The following HSPA4L variants were observed in gnomAD, a reference collection of about 807,000 sequenced individuals.
HSPA4L encodes the protein heat shock 70 kDa protein 4L.
A neutral mutation model predicts 100.3 loss-of-function variants in HSPA4L; 48 were observed. The observed-to-expected ratio is 0.48, with a 90% confidence interval of 0.38 to 0.61. The LOEUF is 0.61. HSPA4L is among the 20% of genes least tolerant of loss of function. HSPA4L has a pLI of 0.00. For missense variants in HSPA4L, 886 were observed against 988.6 expected (o/e 0.90, Z 1.39); for synonymous variants, 319 against 328.2 (o/e 0.97, Z 0.30).
intron 17 of HSPA4L, among the ~76,000 whole-genome samples, chr4:127,829,956 C>T (rs1734038059): frequency 6.6e-6 from 1 of 151,824 alleles, no homozygotes; most frequent in African/African-American, 2.4e-5. Flanking sequence ...TCCGAGGAAG[C>T]TTTATGGGTT....
intron 1 of HSPA4L, among the ~76,000 whole-genome samples, chr4:127,792,385 A>G (rs1732902534): frequency 6.6e-6 from 1 of 152,134 alleles, no homozygotes; most frequent in Admixed American, 6.6e-5. Context: ...TATTCCATTC[A>G]TTATGTAGCT....
chr4:127,782,015 C>A (rs1010541476), upstream of HSPA4L: 3 of 453,960 alleles, frequency 6.6e-6, no homozygotes, highest in African/African-American at 4.0e-5. Context: ...TCTCACCTAG[C>A]CCGACCGCCC....
chr4:127,803,636 C>T lies in HSPA4L; in HGVS notation c.671C>T (p.Ala224Val). The change falls in exon 7 of 19, where the codon GCT (alanine) becomes GTT (valine). Residue 224 changes from alanine (A) to valine (V), a missense_variant. Physicochemically the swap from Ala to Val is moderately conservative, Grantham distance 64 (BLOSUM62 0). Transcript: ENST00000296464. ...GCTTTTTCAATTAAACAGGTCTTGG[C>T]TACTACCTTTGATCCATATTTGGGT... is the stretch of plus-strand genomic sequence containing the variant. ...AFNKGKLKVLATTFDPYLGGR... is the reference protein window; with the variant it reads ...AFNKGKLKVLVTTFDPYLGGR... The T allele has an allele frequency of 1.2e-6, 2 of 1,610,866 alleles. No homozygotes were observed. The highest frequency in any genetic ancestry group is 1.7e-6 in the Non-Finnish European group (2 of 1,178,820).
Position 127,803,794 on chromosome 4 carries a change from A to G in HSPA4L, c.829A>G (p.Met277Val). The change falls in exon 7 of 19, where the codon ATG (methionine) becomes GTG (valine). Residue 277 changes from methionine (M) to valine (V), a missense_variant. By Grantham distance (21) the Met-to-Val change is conservative. Transcript: ENST00000296464. ...GGAATGTGAAAAACTAAAGAAGCTA[A>G]TGAGTGCAAATGCATCAGATCTTCC... ...YQECEKLKKL[M>V]SANASDLPLN... 2 of 1,613,912 alleles carry G rather than the reference A, an allele frequency of 1.2e-6. No individual in the cohort carries two copies. The highest frequency in any genetic ancestry group is 1.7e-6 in the Non-Finnish European group (2 of 1,179,870).
chr4:127,823,870 C>T (rs1376108453), intron 16 of HSPA4L, among the ~76,000 whole-genome samples: 1 of 152,132 alleles, frequency 6.6e-6, no homozygotes, highest in East Asian at 1.9e-4. Flanking sequence ...AAAATCTACT[C>T]TCTCAACCAA....
At chr4:127,829,613 C>G (rs1228161074) in intron 17 of HSPA4L, among the ~76,000 whole-genome samples, 1 of 151,740 alleles carries the variant, frequency 6.6e-6, no homozygotes, top group Middle Eastern at 3.2e-3. Context: ...GGATTTTGAC[C>G]CGAAAGAATG....
intron 12 of HSPA4L, among the ~76,000 whole-genome samples, chr4:127,816,739 G>A (rs1482071566): frequency 6.6e-6 from 1 of 152,182 alleles, no homozygotes; most frequent in African/African-American, 2.4e-5. Flanking sequence ...GAGTGATATT[G>A]TATAGAAATA....
chr4:127,809,001 T>C (rs1400988792), intron 11 of HSPA4L, among the ~76,000 whole-genome samples: 1 of 152,004 alleles, frequency 6.6e-6, no homozygotes. Context: ...AATTGGTATA[T>C]TCTAATTTTA....
At chr4:127,829,428 A>G (rs912832130) in intron 17 of HSPA4L, among the ~76,000 whole-genome samples, 2 of 152,088 alleles carry the variant, frequency 1.3e-5, no homozygotes, top group Admixed American at 1.3e-4. Flanking sequence ...GAGAGATGGA[A>G]TAAGACATTA....
At chr4:127,801,102 A>G (rs1291320653) in intron 4 of HSPA4L, 36 bp from the exon 5 acceptor site, 2 of 1,459,048 alleles carry the variant, frequency 1.4e-6, no homozygotes, top group Non-Finnish European at 9.5e-7. Flanking sequence ...ATGTTTACAT[A>G]AAACATTATA....
At position 127,823,585 on chromosome 4, in the gene HSPA4L, A is replaced by G. The variant is rs1313786132; in HGVS notation, c.2007A>G (p.Gln669=). Residue 669 remains glutamine (Q), a synonymous_variant, in exon 16 of 19, where the codon CAA becomes CAG. Coordinates refer to ENST00000296464, the MANE Select transcript of HSPA4L (RefSeq NM_014278.4). ...ENWLYEDGED[Q]PKQVYVDKLQ... is the part of the protein sequence containing the mutation. ...GGCTTTATGAAGACGGAGAGGACCA[A>G]CCTAAACAAGTTTATGTGGATAAGC... 1.9e-6 allele frequency: 3 copies of G among 1,613,698 alleles called. No individual in the cohort carries two copies. The highest frequency in any genetic ancestry group is 2.2e-5 in the South Asian group (2 of 91,072).
intron 11 of HSPA4L, among the ~76,000 whole-genome samples, chr4:127,808,612 C>G (rs1733430733): frequency 6.6e-6 from 1 of 151,950 alleles, no homozygotes; most frequent in Non-Finnish European, 1.5e-5. Flanking sequence ...TGAAGACTAG[C>G]CTGGGCAGTA....
intron 12 of HSPA4L, among the ~76,000 whole-genome samples, chr4:127,814,632 A>G (rs1733624831): frequency 6.6e-6 from 1 of 152,154 alleles, no homozygotes; most frequent in Admixed American, 6.5e-5. Context: ...CAGTGGCACA[A>G]TCTCGGCTCG....
Position 127,798,600 on chromosome 4 carries a change from A to G in HSPA4L, c.320A>G (p.Glu107Gly). Reference protein sequence around the residue: ...GSAGVKVRYLEEERPFAIEQV... With the variant: ...GSAGVKVRYLGEERPFAIEQV... ...TTTTGGTGTTAGGTGCGGTACTTAG[A>G]GGAAGAGAGACCTTTTGCAATTGAG... is the stretch of plus-strand genomic sequence containing the variant. Residue 107 changes from glutamate (E) to glycine (G), a missense_variant, in exon 4 of 19, where the codon GAG becomes GGG. By Grantham distance (98) the Glu-to-Gly change is moderately conservative (BLOSUM62 -2). Transcript: ENST00000296464. 1 of 1,613,684 alleles carries G rather than the reference A, an allele frequency of 6.2e-7. No individual in the cohort carries two copies. Among genetic ancestry groups the G allele is most frequent in the Non-Finnish European group, 8.5e-7 (1 of 1,179,742 alleles).
chr4:127,816,044 G>C (rs1375720184), intron 12 of HSPA4L, among the ~76,000 whole-genome samples: 3 of 152,050 alleles, frequency 2.0e-5, no homozygotes, highest in Non-Finnish European at 4.4e-5. Context: ...GAGAATGGGG[G>C]AATAGCAGGA....
At chr4:127,807,482 T>C (rs1446441867) in intron 10 of HSPA4L, among the ~76,000 whole-genome samples, 1 of 152,076 alleles carries the variant, frequency 6.6e-6, no homozygotes, top group Non-Finnish European at 1.5e-5. Context: ...AGGAAAAATA[T>C]ATACAGAAAG....
At chr4:127,814,869 C>T (rs183774758) in intron 12 of HSPA4L, among the ~76,000 whole-genome samples, 117 of 152,250 alleles carry the variant, frequency 7.7e-4, no homozygotes, top group Non-Finnish European at 1.4e-3. Context: ...CCGGCCTGTG[C>T]ACTTTTTAAT....
rs531993257 is a variant in HSPA4L at position 127,840,729 on chromosome 4, A to C, written c.*7855A>C. On this transcript the variant is annotated 3_prime_UTR_variant, in exon 19 of 19. Coordinates refer to ENST00000296464, the MANE Select transcript of HSPA4L (RefSeq NM_014278.4). ...AATATGTCTACCTACTCCTTGAACC[A>C]TGAATTTTGCACACCTGAGGTTTAA... 1.1e-4 allele frequency: 17 copies of C among 152,322 alleles called. No individual in the cohort carries two copies. Among genetic ancestry groups the C allele is most frequent in the African/African-American group, 3.8e-4 (16 of 41,578 alleles). 9.4% of individuals were successfully genotyped at this position (152,322 alleles called of 1,614,324 possible). A position where few individuals can be genotyped will look rare whatever the true frequency, so the allele number is the denominator to read the frequency against.
Position 127,801,240 on chromosome 4 carries a change from G to A in HSPA4L, c.529+3G>A. ...GTTGATGAATGAAACTACTGCAGGT[G>A]AGCACTTTGCAATTTGAAAATCACT... On this transcript the variant is annotated splice_donor_region_variant and intron_variant, in intron 5 of 18. Coordinates refer to ENST00000296464, the MANE Select transcript of HSPA4L (RefSeq NM_014278.4). The A allele has an allele frequency of 6.3e-7, 1 of 1,594,890 alleles. No homozygotes were observed. The highest frequency in any genetic ancestry group is 8.5e-7 in the Non-Finnish European group (1 of 1,169,792).
Sources: gnomAD v4.1 joint callset for allele counts (sites outside exome capture counted in the v4.1 genomes callset) on GRCh38, gnomAD v4.1.1 for gene constraint, MANE v1.5 for transcripts, NCBI Gene and HGNC (gene_info 2026-07-23, HGNC 2026-07-21) for gene names.